The following KANSL1L variants were observed in gnomAD, a reference collection of about 807,000 sequenced individuals.
KANSL1L encodes the protein KAT8 regulatory NSL complex subunit 1 like.
A neutral mutation model predicts 108.6 loss-of-function variants in KANSL1L; 25 were observed. That is an observed-to-expected ratio of 0.23 (90% confidence interval 0.17 to 0.32). The LOEUF (loss-of-function observed/expected upper bound fraction) is 0.32, where lower values mean the gene tolerates loss of function less well. Among genes scored for constraint, KANSL1L ranks in the 10% least tolerant of loss-of-function variants. KANSL1L has a pLI of 1.00. For synonymous variants in KANSL1L, 405 were observed against 395.1 expected, an observed-to-expected ratio of 1.03 and a Z score of -0.30; for missense variants, 1,137 against 1,125.7, an observed-to-expected ratio of 1.01 and a Z score of -0.14.
At position 210,036,846 on chromosome 2, in the gene KANSL1L, T is replaced by C. The variant is rs184852849; in HGVS notation, c.2029+3574A>G. Among the ~76,000 whole-genome samples the C allele has an allele frequency of 2.6e-3, 403 of 152,240 alleles. 11 individuals are homozygous for C. Among genetic ancestry groups the C allele is most frequent in the Admixed American group, 0.022 (331 of 15,290 alleles). On this transcript the variant is annotated intron_variant, in intron 8 of 14. Transcript: ENST00000281772. ...ACTATGGCTCACTGCAGCCTCAACC[T>C]CCCAGGCTCGGATGATCCTCCTGCC...
intron 3 of KANSL1L, among the ~76,000 whole-genome samples, chr2:210,106,191 C>T (rs769583973): frequency 3.3e-5 from 5 of 152,034 alleles, no homozygotes; most frequent in Middle Eastern, 3.2e-3. Flanking sequence ...TAGGTTTCTC[C>T]ACAAGTACCT....
intron 2 of KANSL1L, among the ~76,000 whole-genome samples, chr2:210,145,570 C>T (rs2095259607): frequency 6.6e-6 from 1 of 152,208 alleles, no homozygotes; most frequent in Non-Finnish European, 1.5e-5. Flanking sequence ...ACAGAAACCA[C>T]AGCTCCAGGG....
chr2:210,153,104 C>T (rs2095313648), intron 2 of KANSL1L: 1 of 160,924 alleles, frequency 6.2e-6, no homozygotes, highest in Admixed American at 6.0e-5. Flanking sequence ...GCCTCTAATC[C>T]CAGCACTTTG....
chr2:210,072,649 T>G (rs1045553928), intron 6 of KANSL1L, among the ~76,000 whole-genome samples: 3 of 148,988 alleles, frequency 2.0e-5, no homozygotes, highest in African/African-American at 7.5e-5. Context: ...ACAATAGGGT[T>G]TGAGTTCCCG....
At chr2:210,058,726 A>G (rs1458722910) in intron 6 of KANSL1L, among the ~76,000 whole-genome samples, 1 of 150,864 alleles carries the variant, frequency 6.6e-6, no homozygotes, top group African/African-American at 2.4e-5. Context: ...AGTCCCAGCT[A>G]CTCGGGAGGT....
intron 6 of KANSL1L, among the ~76,000 whole-genome samples, chr2:210,052,089 C>T (rs1232568895): frequency 6.6e-6 from 1 of 150,546 alleles, no homozygotes; most frequent in African/African-American, 2.4e-5. Flanking sequence ...ACTGCAGCCT[C>T]TACTGCCTGG....
In KANSL1L at chr2:210,154,076, T is replaced by C; in HGVS notation, c.507A>G (p.Gln169=). ...KDTNVDKVQL[Q]NCKWYQENAL... Reference sequence around the variant, plus strand: ...CATTCTCTTGATACCATTTACAGTTTTGTAGTTGTACTTTATCTACATTAG... The same window carrying C: ...CATTCTCTTGATACCATTTACAGTTCTGTAGTTGTACTTTATCTACATTAG... The change falls in exon 2 of 15, where the codon CAA becomes CAG. Residue 169 remains glutamine, a synonymous_variant. Transcript: ENST00000281772. The C allele has an allele frequency of 6.2e-7, 1 of 1,613,454 alleles. No homozygotes were observed. Among genetic ancestry groups the C allele is most frequent in the East Asian group, 2.2e-5 (1 of 44,864 alleles).
In KANSL1L at chr2:210,153,517, T is replaced by C. The variant is rs1464795038; in HGVS notation, c.1066A>G (p.Thr356Ala). ...TACACTGCCACATTTTTTCTAAGGG[T>C]ATATTCATCCAAATCGTCATCAGAG... ...SSSDDDLDEY[T>A]LRKNVAVNCS... The change falls in exon 2 of 15, where the codon ACC (threonine) becomes GCC (alanine). Residue 356 changes from threonine to alanine, a missense_variant. Around this residue, in one of 3 missense-constraint regions of KANSL1L, gnomAD observed 556 missense variants for 537.7 expected, o/e 1.03. Coordinates refer to ENST00000281772, the MANE Select transcript of KANSL1L (RefSeq NM_152519.4). 6.2e-7 allele frequency: 1 copy of C among 1,614,058 alleles called. No homozygotes were observed. The highest frequency in any genetic ancestry group is 8.5e-7 in the Non-Finnish European group (1 of 1,179,990).
chr2:210,100,523 G>A (rs1381780499), intron 4 of KANSL1L, among the ~76,000 whole-genome samples: 1 of 152,090 alleles, frequency 6.6e-6, no homozygotes, highest in Non-Finnish European at 1.5e-5. Flanking sequence ...CTTTAGTCAA[G>A]CCAAAAGATT....
intron 6 of KANSL1L, among the ~76,000 whole-genome samples, chr2:210,075,335 G>A (rs1246951688): frequency 1.3e-5 from 2 of 152,014 alleles, no homozygotes; most frequent in Non-Finnish European, 2.9e-5. Context: ...GATGTGAGAA[G>A]TTTCAGAGTA....
At chr2:210,170,247 C>G in intron 1 of KANSL1L, 1 of 471,704 alleles carries the variant, frequency 2.1e-6, no homozygotes, top group Non-Finnish European at 2.8e-6. Context: ...GTTAAGCAAA[C>G]TGGCTAAAGA....
chr2:210,032,108 A>G (rs1229820826), intron 8 of KANSL1L: 1 of 152,172 alleles, frequency 6.6e-6, no homozygotes, highest in Non-Finnish European at 1.5e-5. Context: ...GTATATCTGA[A>G]CCCCCTTATT....
Position 210,079,652 on chromosome 2 carries a change from A to ATGTATGTG in KANSL1L, c.1551-3897_1551-3896insCACATACA, listed in dbSNP as rs1296837445. On this transcript the variant is annotated intron_variant, in intron 5 of 14. Coordinates refer to ENST00000281772, the MANE Select transcript of KANSL1L (RefSeq NM_152519.4). ...TATATATATATATATATATATATAT[A>ATGTATGTG]TATATATATATATGTATGTGTGTAT... 3.6e-3 allele frequency among the ~76,000 whole-genome samples: 72 copies of ATGTATGTG among 20,166 alleles called. 3 individuals are homozygous for ATGTATGTG. Among genetic ancestry groups the ATGTATGTG allele is most frequent in the African/African-American group, 9.0e-3 (62 of 6,862 alleles). 13.2% of individuals were successfully genotyped at this position (20,166 alleles called of 152,430 possible).
At chr2:210,129,946 C>A (rs574905221) in intron 2 of KANSL1L, among the ~76,000 whole-genome samples, 6 of 142,332 alleles carry the variant, frequency 4.2e-5, no homozygotes, top group African/African-American at 1.6e-4. Context: ...TTGGGGATTA[C>A]GGGTGGTATA....
chr2:210,059,569 ATTTTC>A (rs760265133), intron 6 of KANSL1L, among the ~76,000 whole-genome samples: 5 of 152,172 alleles, frequency 3.3e-5, no homozygotes, highest in Non-Finnish European at 7.3e-5. Flanking sequence ...TATAAAGCAT[ATTTTC>A]TCACAGGAAT....
At chr2:210,112,854 A>C (rs746863509) in intron 3 of KANSL1L, among the ~76,000 whole-genome samples, 2 of 152,204 alleles carry the variant, frequency 1.3e-5, no homozygotes, top group Non-Finnish European at 2.9e-5. Context: ...TCTGGAGTTT[A>C]CTGAAGACTT....
At position 210,041,651 on chromosome 2, in the gene KANSL1L, T is replaced by G. The variant is rs369978499; in HGVS notation, c.1922-1124A>C. Among the ~76,000 whole-genome samples the G allele has an allele frequency of 7.9e-5, 12 of 152,222 alleles. 1 individual carries two copies. The South Asian group carries it at 1.2e-3, about 16-fold the overall frequency. On this transcript the variant is annotated intron_variant, in intron 7 of 14. Transcript: ENST00000281772. ...ACAAAGTCTTATTATGTTCCCAGAC[T>G]GGTCTTGAACTCTTGAGCTCAAGCA... is the stretch of plus-strand genomic sequence containing the variant.
intron 1 of KANSL1L, among the ~76,000 whole-genome samples, chr2:210,164,466 G>C (rs1314173604): frequency 6.6e-6 from 1 of 152,008 alleles, no homozygotes; most frequent in Non-Finnish European, 1.5e-5. Flanking sequence ...CTAAATCTAA[G>C]AAATGTCTTT....
intron 2 of KANSL1L, among the ~76,000 whole-genome samples, chr2:210,143,606 C>A (rs1575608954): frequency 6.6e-6 from 1 of 151,974 alleles, no homozygotes; most frequent in Non-Finnish European, 1.5e-5. Context: ...GGATTCCTTT[C>A]TCTTCATCTT....
Sources: allele counts gnomAD v4.1 joint callset (sites outside exome capture counted in the v4.1 genomes callset), GRCh38; gene constraint gnomAD v4.1.1; regional missense constraint gnomAD v4.1.1; transcripts MANE v1.5; gene names NCBI Gene and HGNC (gene_info 2026-07-23, HGNC 2026-07-21).